NFATC3: variants seen among roughly 807,000 people sequenced by gnomAD.
The protein encoded by NFATC3 is nuclear factor of activated T-cells, cytoplasmic 3.
NFATC3 carries 46 observed loss-of-function variants against 98.6 expected under a neutral mutation model. The ratio of observed to expected loss-of-function variants is 0.47; its 90% CI spans 0.37 to 0.60. NFATC3 has a LOEUF of 0.60. NFATC3 is among the 20% of genes least tolerant of loss of function. The probability of loss-of-function intolerance (pLI) is 0.00; values close to 1 mark genes in which losing one functional copy is unlikely to be tolerated. For missense variants in NFATC3, 1,256 were observed against 1,295.5 expected (o/e 0.97, Z 0.47); for synonymous variants, 512 against 472.2 (o/e 1.08, Z -1.09).
In NFATC3 at chr16:68,201,308, G is replaced by T. The variant is rs564164639; in HGVS notation, c.3106+9533G>T. On this transcript the variant is annotated intron_variant, in intron 9 of 9. Coordinates refer to ENST00000346183, the MANE Select transcript of NFATC3 (RefSeq NM_173165.3). ...TGCAGTGGCGTGATCATGGCTTACTGCAGCCTTGACCTCCTGGGACTCAGG... is the reference window on the plus strand; with the variant it reads ...TGCAGTGGCGTGATCATGGCTTACTTCAGCCTTGACCTCCTGGGACTCAGG... Among the ~76,000 whole-genome samples, 20 of 152,174 alleles carry T rather than the reference G, an allele frequency of 1.3e-4. No individual in the cohort carries two copies. In the South Asian group the frequency reaches 4.1e-3, roughly 32 times the overall value.
intron 1 of NFATC3, among the ~76,000 whole-genome samples, chr16:68,120,155 C>T (rs993389267): frequency 6.6e-6 from 1 of 150,714 alleles, no homozygotes; most frequent in African/African-American, 2.4e-5. Flanking sequence ...GTGGCATGCA[C>T]CTGTGGTCTC....
intron 1 of NFATC3, among the ~76,000 whole-genome samples, chr16:68,109,840 A>G (rs2035851869): frequency 6.6e-6 from 1 of 151,892 alleles, no homozygotes; most frequent in Admixed American, 6.5e-5. Context: ...AGTGTCTTCT[A>G]AGTTTTCTAG....
intron 9 of NFATC3, chr16:68,221,094 A>C: frequency 7.6e-7 from 1 of 1,315,678 alleles, no homozygotes. Context: ...ATATCCATTC[A>C]AGATGACTTG....
intron 5 of NFATC3, 64 bp downstream of exon 5, chr16:68,167,079 A>G: frequency 8.5e-6 from 13 of 1,524,438 alleles, no homozygotes; most frequent in African/African-American, 1.4e-5. Flanking sequence ...TGTTTTACTT[A>G]TAATGTAATG....
At chr16:68,159,710 A>G (rs1424940025) in intron 4 of NFATC3, among the ~76,000 whole-genome samples, 2 of 151,418 alleles carry the variant, frequency 1.3e-5, no homozygotes, top group African/African-American at 2.4e-5. Flanking sequence ...GGCGTGAGCC[A>G]CTGAGCCTGG....
intron 5 of NFATC3, 69 bp downstream of exon 5, chr16:68,167,084 G>A: frequency 2.0e-6 from 3 of 1,501,902 alleles, no homozygotes; most frequent in East Asian, 2.3e-5. Flanking sequence ...TACTTATAAT[G>A]TAATGTATGC....
chr16:68,171,606 T>C (rs539258738), intron 5 of NFATC3, among the ~76,000 whole-genome samples: 9 of 151,784 alleles, frequency 5.9e-5, no homozygotes, highest in African/African-American at 1.9e-4. Context: ...CCCAAATAGC[T>C]GAGATTACAG....
chr16:68,103,614 C>T (rs189597282), intron 1 of NFATC3, among the ~76,000 whole-genome samples: 276 of 152,300 alleles, frequency 1.8e-3, no homozygotes, highest in Middle Eastern at 0.014. Flanking sequence ...AAGAATCCAT[C>T]GCCAAATCTG....
intron 9 of NFATC3, chr16:68,200,888 A>C (rs574253341): frequency 2.2e-4 from 33 of 152,276 alleles, no homozygotes; most frequent in African/African-American, 7.2e-4. Context: ...AGTAAACATT[A>C]AAACAGTTGA....
rs560774160 is a variant in NFATC3 at position 68,173,515 on chromosome 16, C to T, written c.1775-859C>T. 4.6e-5 allele frequency among the ~76,000 whole-genome samples: 7 copies of T among 151,616 alleles called. No homozygotes were observed. In the East Asian group the frequency reaches 5.8e-4, roughly 13 times the overall value. ...CTGGGAGGCAGAGGTTGCGGTGAGC[C>T]GAGATCACACCACTGCACTCCAGCC... On this transcript the variant is annotated intron_variant, in intron 5 of 9. Coordinates refer to ENST00000346183, the MANE Select transcript of NFATC3 (RefSeq NM_173165.3).
chr16:68,128,132 G>A (rs1025970550), intron 3 of NFATC3, among the ~76,000 whole-genome samples: 4 of 152,042 alleles, frequency 2.6e-5, no homozygotes, highest in Non-Finnish European at 4.4e-5. Context: ...TTAGAACTGT[G>A]TAGATATTTT....
intron 1 of NFATC3, among the ~76,000 whole-genome samples, chr16:68,107,065 C>T (rs1280978153): frequency 1.3e-5 from 2 of 151,998 alleles, no homozygotes; most frequent in African/African-American, 4.8e-5. Flanking sequence ...GCTTCCAGCT[C>T]CATCCATGAT....
At chr16:68,118,075 GAAACCAAGGCGTTAT>G (rs2036382064) in intron 1 of NFATC3, among the ~76,000 whole-genome samples, 1 of 152,152 alleles carries the variant, frequency 6.6e-6, no homozygotes, top group Admixed American at 6.5e-5. Context: ...GTTTCTTAAA[GAAACCAAGGCGTTAT>G]TTGACTCAGA....
intron 1 of NFATC3, among the ~76,000 whole-genome samples, chr16:68,092,349 G>C (rs1287111856): frequency 1.3e-5 from 2 of 151,700 alleles, no homozygotes; most frequent in Non-Finnish European, 2.9e-5. Context: ...CCGGCTACTT[G>C]GGAGGCTGAG....
intron 8 of NFATC3, chr16:68,189,239 G>T (rs1328921984): frequency 1.3e-5 from 2 of 153,244 alleles, no homozygotes; most frequent in Non-Finnish European, 2.9e-5. Flanking sequence ...TTTAAATCAG[G>T]AAGTCCTGAT....
intron 3 of NFATC3, among the ~76,000 whole-genome samples, chr16:68,127,228 G>A (rs1427592872): frequency 6.6e-6 from 1 of 151,772 alleles, no homozygotes; most frequent in East Asian, 1.9e-4. Context: ...AAATAAATAA[G>A]TAAAATTTAA....
intron 1 of NFATC3, among the ~76,000 whole-genome samples, chr16:68,106,687 A>G (rs1479280008): frequency 6.6e-6 from 1 of 151,670 alleles, no homozygotes; most frequent in Non-Finnish European, 1.5e-5. Flanking sequence ...CAGCCTCCCA[A>G]AGAGCTGGGA....
intron 8 of NFATC3, among the ~76,000 whole-genome samples, chr16:68,184,599 C>G (rs574051910): frequency 6.6e-6 from 1 of 151,878 alleles, no homozygotes; most frequent in Non-Finnish European, 1.5e-5. Flanking sequence ...GTCAGGAGAT[C>G]GAGACCATCC....
chr16:68,167,850 GA>G (rs2039281417), intron 5 of NFATC3, among the ~76,000 whole-genome samples: 1 of 6,318 alleles, frequency 1.6e-4, no homozygotes, highest in African/African-American at 3.2e-4. Flanking sequence ...TTTTTTTTTT[GA>G]GACGGAGATT....
Sources: allele counts gnomAD v4.1 joint callset (sites outside exome capture counted in the v4.1 genomes callset), GRCh38; gene constraint gnomAD v4.1.1; transcripts MANE v1.5; gene names NCBI Gene and HGNC (gene_info 2026-07-23, HGNC 2026-07-21).